The following MACROD2 variants were observed in gnomAD, a reference collection of about 807,000 sequenced individuals.
MACROD2 encodes ADP-ribose glycohydrolase MACROD2.
In MACROD2, 36 loss-of-function variants were observed where a neutral mutation model predicts 70.4. That is an observed-to-expected ratio of 0.51 (90% CI 0.39 to 0.68). The LOEUF (loss-of-function observed/expected upper bound fraction) is 0.68. MACROD2 is among the 30% of genes least tolerant of loss of function. The pLI, the probability that MACROD2 is intolerant of heterozygous loss-of-function variation, is 0.00. For synonymous variants in MACROD2, 172 were observed against 178.8 expected (o/e 0.96, Z 0.30); for missense variants, 496 against 538.4 (o/e 0.92, Z 0.78).
chr20:15,457,530 A>G (rs1393437276), intron 7 of MACROD2, among the ~76,000 whole-genome samples: 1 of 152,094 alleles, frequency 6.6e-6, no homozygotes, highest in African/African-American at 2.4e-5. Context: ...GAGGAGCCTC[A>G]TTCACTTGTT....
At chr20:15,786,170 A>AAC (rs201737277) in intron 8 of MACROD2, among the ~76,000 whole-genome samples, 50 of 151,784 alleles carry the variant, frequency 3.3e-4, no homozygotes, top group Non-Finnish European at 2.4e-4. Flanking sequence ...TTAAAAAAAA[A>AAC]AAACCCAGCA....
rs752699489 is a variant in MACROD2 at position 15,454,669 on chromosome 20, C to T, written c.571+23234C>T. On this transcript the variant is annotated intron_variant, in intron 7 of 17. Coordinates refer to ENST00000684519, the MANE Select transcript of MACROD2 (RefSeq NM_001351661.2). ...CAAGTTTCCAGCAGTCACGCTGGCT[C>T]TCTTCATAAATCTGTAAAATAAAAA... 2.2e-4 allele frequency among the ~76,000 whole-genome samples: 13 copies of T among 58,628 alleles called. 2 individuals are homozygous for T. In the Admixed American group the frequency reaches 2.7e-3, roughly 12 times the overall value. 38.5% of individuals were successfully genotyped at this position (58,628 alleles called of 152,430 possible). A position where few individuals can be genotyped will look rare whatever the true frequency, so the allele number is the denominator to read the frequency against.
chr20:15,696,766 A>G (rs1568979851), intron 8 of MACROD2, among the ~76,000 whole-genome samples: 1 of 140,242 alleles, frequency 7.1e-6, no homozygotes, highest in African/African-American at 2.7e-5. Flanking sequence ...CTAATTCTTC[A>G]TGATTTAAGC....
At chr20:14,102,746 T>C (rs569007186) in intron 3 of MACROD2, among the ~76,000 whole-genome samples, 3 of 152,102 alleles carry the variant, frequency 2.0e-5, no homozygotes, top group Non-Finnish European at 4.4e-5. Context: ...ATATATGATA[T>C]AGGATGGGGA....
rs193160982 is a variant in MACROD2 at position 15,083,992 on chromosome 20, G to C, written c.419-145948G>C. Among the ~76,000 whole-genome samples the C allele has an allele frequency of 4.6e-3, 703 of 151,568 alleles. 5 individuals are homozygous for C. The highest frequency in any genetic ancestry group is 0.016 in the African/African-American group (679 of 41,348). ...TAAATTCAATGTCATTATAGGAGGTGCAAGGGGAAGCTTGGATTCTTATGA... is the reference window on the plus strand; with the variant it reads ...TAAATTCAATGTCATTATAGGAGGTCCAAGGGGAAGCTTGGATTCTTATGA... On this transcript the variant is annotated intron_variant, in intron 5 of 17. Coordinates refer to ENST00000684519, the MANE Select transcript of MACROD2 (RefSeq NM_001351661.2).
intron 15 of MACROD2, among the ~76,000 whole-genome samples, chr20:16,004,141 G>A (rs2066753978): frequency 6.6e-6 from 1 of 152,124 alleles, no homozygotes; most frequent in African/African-American, 2.4e-5. Flanking sequence ...ACCTGCAGCT[G>A]AGACACAGGG....
chr20:15,984,101 T>G (rs982168865), intron 13 of MACROD2, among the ~76,000 whole-genome samples: 4 of 147,334 alleles, frequency 2.7e-5, no homozygotes, highest in Non-Finnish European at 6.1e-5. Context: ...GACCATAAGG[T>G]AAGATTTTAT....
At chr20:15,247,672 G>A (rs1358131444) in intron 6 of MACROD2, among the ~76,000 whole-genome samples, 1 of 151,958 alleles carries the variant, frequency 6.6e-6, no homozygotes, top group Non-Finnish European at 1.5e-5. Context: ...TATAGAGAGT[G>A]CACAGTTAGT....
intron 4 of MACROD2, among the ~76,000 whole-genome samples, chr20:14,585,891 C>T (rs1385618750): frequency 6.6e-6 from 1 of 152,096 alleles, no homozygotes; most frequent in African/African-American, 2.4e-5. Flanking sequence ...ATTTCCTTAA[C>T]TTGAACCAAC....
At chr20:14,662,522 A>C (rs1364954060) in intron 4 of MACROD2, among the ~76,000 whole-genome samples, 1 of 152,230 alleles carries the variant, frequency 6.6e-6, no homozygotes, top group Non-Finnish European at 1.5e-5. Flanking sequence ...TCTGTACAGC[A>C]AAGGAAACTG....
intron 5 of MACROD2, among the ~76,000 whole-genome samples, chr20:15,003,909 G>C (rs1462747248): frequency 2.0e-5 from 3 of 151,820 alleles, no homozygotes; most frequent in Non-Finnish European, 4.4e-5. Flanking sequence ...AGGTTTTTTT[G>C]CATGTCTGAC....
At chr20:14,443,299 C>CTTT (rs34612697) in intron 3 of MACROD2, among the ~76,000 whole-genome samples, 53 of 136,092 alleles carry the variant, frequency 3.9e-4, no homozygotes, top group Middle Eastern at 3.7e-3. Context: ...ATTACCTATG[C>CTTT]TTTTTTTTTT....
rs1440428429 is a variant in MACROD2, at chr20:14,517,978, T to C, written c.301+24470T>C. Among the ~76,000 whole-genome samples the C allele has an allele frequency of 2.0e-5, 3 of 152,304 alleles. No homozygotes were observed. The East Asian group carries it at 5.8e-4, about 29-fold the overall frequency. Reference sequence around the variant, plus strand: ...GTACTGTCAGTACTGTTTTCTTTTTTGTAAACATTTTTGACTTTCTATTCA... The same window carrying C: ...GTACTGTCAGTACTGTTTTCTTTTTCGTAAACATTTTTGACTTTCTATTCA... On this transcript the variant is annotated intron_variant, in intron 4 of 17. Transcript: ENST00000684519.
intron 6 of MACROD2, among the ~76,000 whole-genome samples, chr20:15,385,738 CTT>C (rs919568602): frequency 1.5e-4 from 23 of 152,292 alleles, no homozygotes; most frequent in African/African-American, 5.5e-4. Context: ...GAAATCCACT[CTT>C]ACTTAAATTT....
chr20:14,579,991 A>G (rs1312710304), intron 4 of MACROD2, among the ~76,000 whole-genome samples: 1 of 152,220 alleles, frequency 6.6e-6, no homozygotes, highest in East Asian at 1.9e-4. Flanking sequence ...CTTGGATGTA[A>G]AAAGACGGAA....
Position 16,053,033 on chromosome 20 carries a change from A to G in MACROD2, c.*3157A>G, listed in dbSNP as rs979074591. 6.6e-6 allele frequency: 1 copy of G among 152,640 alleles called. No individual in the cohort carries two copies. The highest frequency in any genetic ancestry group is 2.4e-5 in the African/African-American group (1 of 41,456). The allele number at this position is 152,640 out of a possible 1,614,324, so 9.5% of individuals were successfully genotyped here. A position where few individuals can be genotyped will look rare whatever the true frequency, so the allele number is the denominator to read the frequency against. The stretch of plus-strand genomic sequence containing the variant: ...TATCTGGTATAAACTGCTAAATAGG[A>G]TAATACGTGCCTCTTTTGTTAAACC... On this transcript the variant is annotated 3_prime_UTR_variant, in exon 18 of 18. Coordinates refer to ENST00000684519, the MANE Select transcript of MACROD2 (RefSeq NM_001351661.2).
In MACROD2 at chr20:14,147,749, A is replaced by G. The variant is rs1418455716; in HGVS notation, c.271+62021A>G. ...CCATGCTCGAGACTTCCATTTAGTA[A>G]AAATTCAGGCCTGTTGTGGATCTTC... is the stretch of plus-strand genomic sequence containing the variant. On this transcript the variant is annotated intron_variant, in intron 3 of 17. Transcript: ENST00000684519. 5.9e-5 allele frequency among the ~76,000 whole-genome samples: 9 copies of G among 152,300 alleles called. No individual in the cohort carries two copies. In the East Asian group the frequency reaches 1.7e-3, roughly 29 times the overall value.
At chr20:15,447,045 AGT>A (rs1395417856) in intron 7 of MACROD2, among the ~76,000 whole-genome samples, 1 of 120,260 alleles carries the variant, frequency 8.3e-6, no homozygotes, top group African/African-American at 3.1e-5. Flanking sequence ...GGGACCTAAG[AGT>A]GTGCGTGTGT....
rs892636555 is a variant in MACROD2 at position 15,352,078 on chromosome 20, T to A, written c.541-79327T>A. Among the ~76,000 whole-genome samples, 3 of 152,112 alleles carry A rather than the reference T, an allele frequency of 2.0e-5. No individual in the cohort carries two copies. The East Asian group carries it at 5.8e-4, about 29-fold the overall frequency. Reference sequence around the variant, plus strand: ...CTGGCCTTGAAGCTGAAGCTCAAACTGAGGCAGCCATAATGGTCCATGTGC... The same window carrying A: ...CTGGCCTTGAAGCTGAAGCTCAAACAGAGGCAGCCATAATGGTCCATGTGC... On this transcript the variant is annotated intron_variant, in intron 6 of 17. Transcript: ENST00000684519.
Sources: allele counts gnomAD v4.1 joint callset (sites outside exome capture counted in the v4.1 genomes callset), GRCh38; gene constraint gnomAD v4.1.1; transcripts MANE v1.5; gene names NCBI Gene and HGNC (gene_info 2026-07-23, HGNC 2026-07-21).